The following CAP2 variants were observed in gnomAD, a reference collection of about 807,000 sequenced individuals.
CAP2 encodes the protein cyclase associated actin cytoskeleton regulatory protein 2, also known as adenylyl cyclase-associated protein 2.
Under a neutral mutation model 57.7 loss-of-function variants are expected in CAP2, and 24 were observed. That is an observed-to-expected ratio of 0.42 (90% CI 0.30 to 0.58). The LOEUF is 0.58. Among genes scored for constraint, CAP2 ranks in the 20% least tolerant of loss-of-function variants. The pLI, the probability that CAP2 is intolerant of heterozygous loss-of-function variation, is 0.22. For synonymous variants in CAP2, 194 were observed against 207.2 expected (o/e 0.94, Z 0.55); for missense variants, 501 against 590.3 (o/e 0.85, Z 1.57).
chr6:17,449,975 G>GT (rs1760361064), intron 3 of CAP2, among the ~76,000 whole-genome samples: 1 of 151,914 alleles, frequency 6.6e-6, no homozygotes, highest in Admixed American at 6.6e-5. Context: ...ATACTTTGCC[G>GT]TCTGCTGAAC....
chr6:17,556,488 A>G lies in CAP2; in HGVS notation c.*46A>G. On this transcript the variant is annotated 3_prime_UTR_variant, in exon 13 of 13. Transcript: ENST00000229922. ...CCTCACCTGAATCCCCCTCTATCAA[A>G]CAAACAAAAAAGCAGCAGTAAAGAG... is the stretch of plus-strand genomic sequence containing the variant. 7.4e-7 allele frequency: 1 copy of G among 1,358,054 alleles called. No individual in the cohort carries two copies. Among genetic ancestry groups the G allele is most frequent in the Non-Finnish European group, 1.1e-6 (1 of 946,548 alleles). The allele number at this position is 1,358,054 out of a possible 1,614,324, so 84.1% of individuals were successfully genotyped here. A position where few individuals can be genotyped will look rare whatever the true frequency, so the allele number is the denominator to read the frequency against.
intron 4 of CAP2, among the ~76,000 whole-genome samples, chr6:17,483,060 C>T (rs1161281669): frequency 1.3e-5 from 2 of 152,222 alleles, no homozygotes; most frequent in Non-Finnish European, 2.9e-5. Context: ...ATCGTGAGCC[C>T]ATTCAGACCT....
chr6:17,415,702 C>T (rs765498453), intron 1 of CAP2, among the ~76,000 whole-genome samples: 5 of 151,646 alleles, frequency 3.3e-5, no homozygotes, highest in Admixed American at 6.5e-5. Flanking sequence ...CCTTGGGAGG[C>T]GAGGTGTACA....
intron 4 of CAP2, among the ~76,000 whole-genome samples, chr6:17,489,593 T>G (rs112888897): frequency 0.013 from 2,029 of 152,252 alleles, 26 homozygotes; most frequent in Non-Finnish European, 0.021. Context: ...CATTACCCAG[T>G]GTCAGCTACC....
chr6:17,527,657 C>T (rs1762541828), intron 7 of CAP2, among the ~76,000 whole-genome samples: 1 of 142,354 alleles, frequency 7.0e-6, no homozygotes, highest in Non-Finnish European at 1.5e-5. Context: ...AGTGCAGTGG[C>T]ACGATCTCGG....
intron 12 of CAP2, among the ~76,000 whole-genome samples, chr6:17,553,886 G>A (rs868016657): frequency 6.6e-6 from 1 of 152,130 alleles, no homozygotes; most frequent in Non-Finnish European, 1.5e-5. Flanking sequence ...TATCAAAGAG[G>A]TGCCTTCATC....
intron 4 of CAP2, among the ~76,000 whole-genome samples, chr6:17,477,457 T>C (rs1480776139): frequency 6.6e-6 from 1 of 152,148 alleles, no homozygotes; most frequent in East Asian, 1.9e-4. Context: ...GAATAAACCA[T>C]CCAAAACCAG....
intron 3 of CAP2, among the ~76,000 whole-genome samples, chr6:17,442,659 G>A (rs931336403): frequency 6.6e-6 from 1 of 152,026 alleles, no homozygotes; most frequent in Non-Finnish European, 1.5e-5. Context: ...AGGCCAAGTG[G>A]GGGGAATTGC....
At chr6:17,476,864 C>CTT (rs67003718) in intron 4 of CAP2, among the ~76,000 whole-genome samples, 909 of 72,316 alleles carry the variant, frequency 0.013, no homozygotes, top group Non-Finnish European at 0.014. Context: ...TTTCTTACTT[C>CTT]TTTTTTTTTT....
chr6:17,518,189 T>C (rs1762313125), intron 7 of CAP2, among the ~76,000 whole-genome samples: 1 of 152,198 alleles, frequency 6.6e-6, no homozygotes, highest in Non-Finnish European at 1.5e-5. Context: ...CCTAGAAATA[T>C]ATTTCCTGAT....
intron 3 of CAP2, among the ~76,000 whole-genome samples, chr6:17,444,740 A>T (rs73369456): frequency 0.013 from 1,930 of 151,838 alleles, 50 homozygotes; most frequent in African/African-American, 0.044. Context: ...ACCTGTGAAA[A>T]GAAGGGGAAA....
At chr6:17,525,737 A>G (rs1762487148) in intron 7 of CAP2, among the ~76,000 whole-genome samples, 1 of 152,192 alleles carries the variant, frequency 6.6e-6, no homozygotes, top group South Asian at 2.1e-4. Context: ...AAACCCTACG[A>G]AAGGAGGAAA....
intron 6 of CAP2, among the ~76,000 whole-genome samples, chr6:17,509,880 G>T (rs1028100179): frequency 6.6e-5 from 10 of 151,748 alleles, no homozygotes; most frequent in Non-Finnish European, 7.4e-5. Context: ...ATATTATTTG[G>T]CCATAAAAAA....
chr6:17,410,192 C>T (rs1759101856), intron 1 of CAP2, among the ~76,000 whole-genome samples: 1 of 152,154 alleles, frequency 6.6e-6, no homozygotes, highest in Non-Finnish European at 1.5e-5. Context: ...GCATGTCTAC[C>T]TTTCTTGAGC....
intron 3 of CAP2, among the ~76,000 whole-genome samples, chr6:17,442,630 G>C (rs1295097607): frequency 6.6e-6 from 1 of 152,094 alleles, no homozygotes; most frequent in East Asian, 1.9e-4. Context: ...GTTCAGGCCT[G>C]TAATCCCAGC....
intron 12 of CAP2, among the ~76,000 whole-genome samples, chr6:17,554,602 A>G (rs1763250093): frequency 6.6e-6 from 1 of 152,236 alleles, no homozygotes; most frequent in Non-Finnish European, 1.5e-5. Context: ...TCCCAAAGAA[A>G]CAGTTGGATC....
intron 3 of CAP2, among the ~76,000 whole-genome samples, chr6:17,443,010 C>G (rs1581523563): frequency 6.6e-6 from 1 of 152,044 alleles, no homozygotes; most frequent in East Asian, 1.9e-4. Context: ...AGCCACTGGC[C>G]CCGGCTGGCC....
intron 11 of CAP2, 60 bp downstream of exon 11, chr6:17,543,203 T>G (rs1762949803): frequency 1.4e-6 from 2 of 1,397,724 alleles, no homozygotes; most frequent in Non-Finnish European, 2.0e-6. Flanking sequence ...CACGCTGTAA[T>G]AAGCAGAGCC....
intron 7 of CAP2, among the ~76,000 whole-genome samples, chr6:17,524,074 C>CAAAAA (rs10523029): frequency 1.7e-5 from 2 of 118,956 alleles, no homozygotes; most frequent in African/African-American, 3.8e-5. Context: ...GACTCTGTCT[C>CAAAAA]AAAAAAAAAA....
Sources: allele counts gnomAD v4.1 joint callset (sites outside exome capture counted in the v4.1 genomes callset), GRCh38; gene constraint gnomAD v4.1.1; transcripts MANE v1.5; gene names NCBI Gene and HGNC (gene_info 2026-07-23, HGNC 2026-07-21).